The following TMEM87A variants were observed in gnomAD, a reference collection of about 807,000 sequenced individuals.
TMEM87A encodes the protein transmembrane protein 87A, also known as Golgi-pH regulating cation channel.
In TMEM87A, 50 loss-of-function variants were observed where a neutral mutation model predicts 90.0. The ratio of observed to expected loss-of-function variants is 0.56; its 90% CI spans 0.44 to 0.70. The LOEUF (loss-of-function observed/expected upper bound fraction) is 0.70, where lower values mean the gene tolerates loss of function less well. Ranked by LOEUF, TMEM87A falls within the 30% of genes least tolerant of loss-of-function variation. The pLI is 0.00. For missense variants in TMEM87A, 577 were observed against 660.5 expected (o/e 0.87, Z 1.39); for synonymous variants, 226 against 226.7 (o/e 1.00, Z 0.03).
At chr15:42,246,961 T>C (rs909621293) in intron 6 of TMEM87A, among the ~76,000 whole-genome samples, 4 of 152,190 alleles carry the variant, frequency 2.6e-5, no homozygotes, top group African/African-American at 7.2e-5. Context: ...ACCTGTTGTT[T>C]CCTGACTTTT....
chr15:42,270,543 C>A (rs1380450702), intron 2 of TMEM87A, among the ~76,000 whole-genome samples: 2 of 152,098 alleles, frequency 1.3e-5, no homozygotes, highest in Non-Finnish European at 2.9e-5. Context: ...TTGCAGTAAG[C>A]CAAGATCGTA....
At chr15:42,251,444 ATTGATG>A (rs1042661003) in intron 6 of TMEM87A, among the ~76,000 whole-genome samples, 1 of 151,814 alleles carries the variant, frequency 6.6e-6, no homozygotes, top group Non-Finnish European at 1.5e-5. Flanking sequence ...TGTCCTTTTT[ATTGATG>A]TTGATGTTAT....
At chr15:42,239,000 T>TA (rs1282441673) in intron 8 of TMEM87A, among the ~76,000 whole-genome samples, 1 of 151,078 alleles carries the variant, frequency 6.6e-6, no homozygotes, top group African/African-American at 2.5e-5. Context: ...TGTGCACACA[T>TA]ACACACATAC....
intron 4 of TMEM87A, 130 bp from the exon 5 acceptor site, chr15:42,261,379 A>T: frequency 1.5e-6 from 1 of 645,310 alleles, no homozygotes. Flanking sequence ...ACACAGCATC[A>T]GTAGACAAAA....
chr15:42,234,117 C>T (rs1045535118), intron 10 of TMEM87A, among the ~76,000 whole-genome samples: 6 of 152,074 alleles, frequency 3.9e-5, no homozygotes, highest in African/African-American at 1.4e-4. Context: ...CACCAAGATA[C>T]CACCATCAAA....
chr15:42,232,559 C>T (rs1253480682), intron 11 of TMEM87A, among the ~76,000 whole-genome samples: 2 of 152,038 alleles, frequency 1.3e-5, no homozygotes, highest in Non-Finnish European at 2.9e-5. Flanking sequence ...CTGCAAGCTC[C>T]GCCTCCCGAG....
rs76524641 is a variant in TMEM87A, at chr15:42,226,462, T to C, written c.1403+344A>G. 242 of 246,392 alleles carry C rather than the reference T, an allele frequency of 9.8e-4. 4 individuals are homozygous for C. The East Asian group carries it at 0.017, about 18-fold the overall frequency. The allele number at this position is 246,392 out of a possible 1,614,324, so 15.3% of individuals were successfully genotyped here. On this transcript the variant is annotated intron_variant, in intron 15 of 19. Coordinates refer to ENST00000389834, the MANE Select transcript of TMEM87A (RefSeq NM_015497.5). ...AAAACAAAATATGTATGTAACTCAA[T>C]ATCTGCTTTATCGTGATGGTCTGAA... is the stretch of plus-strand genomic sequence containing the variant.
intron 13 of TMEM87A, 22 bp from the exon 14 acceptor site, chr15:42,227,791 G>C: frequency 6.2e-7 from 1 of 1,611,766 alleles, no homozygotes; most frequent in African/African-American, 1.3e-5. Flanking sequence ...TGAAAAACCA[G>C]GTCAGAGTAT....
intron 6 of TMEM87A, among the ~76,000 whole-genome samples, chr15:42,253,643 T>C (rs2051125672): frequency 6.6e-6 from 1 of 152,216 alleles, no homozygotes; most frequent in African/African-American, 2.4e-5. Context: ...AGTTGCCATC[T>C]TCCTGCCTCT....
intron 4 of TMEM87A, 57 bp from the exon 5 acceptor site, chr15:42,261,306 G>A: frequency 6.7e-7 from 1 of 1,487,544 alleles, no homozygotes; most frequent in Middle Eastern, 1.8e-4. Context: ...GAAGAAAAGT[G>A]TAGCTCAAAA....
chr15:42,263,329 T>C (rs1282240149), intron 4 of TMEM87A, among the ~76,000 whole-genome samples: 1 of 152,228 alleles, frequency 6.6e-6, no homozygotes, highest in Non-Finnish European at 1.5e-5. Context: ...ATTCTATTTA[T>C]ATGAGGTATC....
chr15:42,217,795 G>C lies in TMEM87A; in HGVS notation c.1626+8C>G. 1 of 1,612,354 alleles carries C rather than the reference G, an allele frequency of 6.2e-7. No homozygotes were observed. The highest frequency in any genetic ancestry group is 8.5e-7 in the Non-Finnish European group (1 of 1,179,432). On this transcript the variant is annotated splice_region_variant and intron_variant, in intron 19 of 19. Coordinates refer to ENST00000389834, the MANE Select transcript of TMEM87A (RefSeq NM_015497.5). ...TACATAATTTATGCACGTGAATTGA[G>C]TACCAACCTCATCTGAATCCAGAAG...
At position 42,272,156 on chromosome 15, in the gene TMEM87A, G is replaced by C. The variant is rs771228134; in HGVS notation, c.145-33C>G. The C allele has an allele frequency of 2.0e-6, 3 of 1,525,296 alleles. No homozygotes were observed. In the South Asian group the frequency reaches 3.6e-5, roughly 18 times the overall value. 94.5% of individuals were successfully genotyped at this position (1,525,296 alleles called of 1,614,324 possible). ...CATAAAGGAAAGATAATTAGCCTCAGATGGCTTCAATTACCAAAGCATCAT... is the reference window on the plus strand; with the variant it reads ...CATAAAGGAAAGATAATTAGCCTCACATGGCTTCAATTACCAAAGCATCAT... On this transcript the variant is annotated intron_variant, in intron 1 of 19. Transcript: ENST00000389834.
intron 6 of TMEM87A, chr15:42,258,874 T>C: frequency 6.6e-7 from 1 of 1,522,728 alleles, no homozygotes; most frequent in Non-Finnish European, 8.8e-7. Context: ...AATCTACTCA[T>C]CCATAAAAGC....
intron 13 of TMEM87A, 118 bp downstream of exon 13, chr15:42,228,594 A>T (rs1386144669): frequency 3.8e-6 from 3 of 780,202 alleles, no homozygotes; most frequent in Non-Finnish European, 6.5e-6. Context: ...AAGAGCTAAG[A>T]ACCCTTTTCC....
intron 15 of TMEM87A, among the ~76,000 whole-genome samples, chr15:42,226,217 C>T (rs1170497625): frequency 6.6e-6 from 1 of 151,846 alleles, no homozygotes; most frequent in Non-Finnish European, 1.5e-5. Context: ...TCAGGCTGGT[C>T]TCGAACTCCT....
chr15:42,243,637 A>C (rs1308269823), intron 7 of TMEM87A, among the ~76,000 whole-genome samples: 1 of 149,292 alleles, frequency 6.7e-6, no homozygotes, highest in Non-Finnish European at 1.5e-5. Flanking sequence ...CTCCCGCCTC[A>C]GCCTCCCAAG....
At chr15:42,219,666 CTG>C in intron 16 of TMEM87A, 24 bp from the exon 17 acceptor site, 2 of 1,527,676 alleles carry the variant, frequency 1.3e-6, no homozygotes, top group Non-Finnish European at 1.8e-6. Context: ...TAAATATACA[CTG>C]TTTAACTTTG....
rs137984068 is a variant in TMEM87A at position 42,226,902 on chromosome 15, C to T, written c.1307G>A (p.Arg436Gln). 2.0e-5 allele frequency: 33 copies of T among 1,613,996 alleles called. No individual in the cohort carries two copies. In the East Asian group the frequency reaches 3.3e-4, roughly 16 times the overall value. The stretch of plus-strand genomic sequence containing the variant: ...GATGGCATCGTCTACCCACAGCTCC[C>T]GCCAGTCCTACAATACAGGGGAGAA... Reference protein sequence around the residue: ...FRIVTCQSDWRELWVDDAIWR... With the variant: ...FRIVTCQSDWQELWVDDAIWR... The change falls in exon 15 of 20, where the codon CGG becomes CAG. Residue 436 changes from arginine (R) to glutamine (Q), a missense_variant. Coordinates refer to ENST00000389834, the MANE Select transcript of TMEM87A (RefSeq NM_015497.5).
Sources: gnomAD v4.1 joint callset for allele counts (sites outside exome capture counted in the v4.1 genomes callset) on GRCh38, gnomAD v4.1.1 for gene constraint, MANE v1.5 for transcripts, NCBI Gene and HGNC (gene_info 2026-07-23, HGNC 2026-07-21) for gene names.